PRKAR1A: variants seen among roughly 807,000 people sequenced by gnomAD.
The protein encoded by PRKAR1A is protein kinase cAMP-dependent type I regulatory subunit alpha.
Under a neutral mutation model 52.0 loss-of-function variants are expected in PRKAR1A, and 3 were observed. The ratio of observed to expected loss-of-function variants is 0.06; its 90% CI spans 0.03 to 0.15. The LOEUF is 0.15. PRKAR1A is among the 10% of genes least tolerant of loss of function. The pLI is 1.00. For synonymous variants in PRKAR1A, 188 were observed against 168.4 expected, an observed-to-expected ratio of 1.12 and a Z score of -0.90; for missense variants, 240 against 477.4, an observed-to-expected ratio of 0.50 and a Z score of 4.63.
At chr17:68,485,799 C>T in the PRKAR1A span, among the ~76,000 whole-genome samples, 11 of 152,118 alleles carry the variant, frequency 7.2e-5, no homozygotes, top group South Asian at 2.1e-4. Flanking sequence ...AGTGCAGTGG[C>T]GTGATCTCAG....
At chr17:68,515,810 G>C (rs905297377) in intron 2 of PRKAR1A, 4 of 545,472 alleles carry the variant, frequency 7.3e-6, no homozygotes, top group Admixed American at 3.2e-5. Context: ...GCTAATAAAG[G>C]GTTTCCAAAC....
At chr17:68,516,541 T>C (rs796270023) in intron 2 of PRKAR1A, among the ~76,000 whole-genome samples, 34 of 152,206 alleles carry the variant, frequency 2.2e-4, no homozygotes, top group African/African-American at 8.2e-4. Flanking sequence ...TATCTAATTG[T>C]ATAATAGAAA....
chr17:68,465,225 C>T, the PRKAR1A span, among the ~76,000 whole-genome samples: 4 of 152,148 alleles, frequency 2.6e-5, no homozygotes. Context: ...AGCCACCGCG[C>T]CCGGCCCCGG....
the PRKAR1A span, among the ~76,000 whole-genome samples, chr17:68,417,897 A>AT: frequency 1.3e-5 from 2 of 150,876 alleles, no homozygotes; most frequent in African/African-American, 4.9e-5. Flanking sequence ...TGCCCAGATA[A>AT]TTTTTTATAT....
Position 68,515,425 on chromosome 17 carries a change from G to A in PRKAR1A, c.26G>A (p.Ser9Asn). The A allele has an allele frequency of 6.2e-7, 1 of 1,613,532 alleles. No individual in the cohort carries two copies. The highest frequency in any genetic ancestry group is 8.5e-7 in the Non-Finnish European group (1 of 1,180,044). The change falls in exon 2 of 11, where the codon AGT becomes AAT. Residue 9 changes from serine (S) to asparagine (N), a missense_variant. Around this residue, in one of 4 missense-constraint regions of PRKAR1A, gnomAD observed 107 missense variants for 114.6 expected, o/e 0.93. Coordinates refer to ENST00000589228, the MANE Select transcript of PRKAR1A (RefSeq NM_002734.5). MESGSTAA[S>N]EEARSLRECE... ...ATGGAGTCTGGCAGTACCGCCGCCA[G>A]TGAGGAGGCACGCAGCCTTCGAGAA... is the stretch of plus-strand genomic sequence containing the variant.
rs2085972081 is a variant in PRKAR1A, at chr17:68,531,423, A to G, written c.*974A>G. ...GCTGTGACTAGATACAGATGGAGCA[A>G]ATGTCCTAACAGAGAAATAGAGGTG... On this transcript the variant is annotated 3_prime_UTR_variant, in exon 11 of 11. Coordinates refer to ENST00000589228, the MANE Select transcript of PRKAR1A (RefSeq NM_002734.5). 2.5e-5 allele frequency: 27 copies of G among 1,066,038 alleles called. No homozygotes were observed. The highest frequency in any genetic ancestry group is 3.0e-5 in the Non-Finnish European group (26 of 879,602). 66.0% of individuals were successfully genotyped at this position (1,066,038 alleles called of 1,614,324 possible). A position where few individuals can be genotyped will look rare whatever the true frequency, so the allele number is the denominator to read the frequency against.
intron 11 of PRKAR1A, among the ~76,000 whole-genome samples, chr17:68,548,325 T>C (rs913115731): frequency 1.3e-5 from 2 of 150,964 alleles, no homozygotes; most frequent in Non-Finnish European, 3.0e-5. Flanking sequence ...AGGTCGAGAG[T>C]TCGAGACCAG....
intron 11 of PRKAR1A, among the ~76,000 whole-genome samples, chr17:68,549,795 C>T (rs573522510): frequency 1.2e-4 from 18 of 150,996 alleles, no homozygotes; most frequent in Non-Finnish European, 2.4e-4. Flanking sequence ...CAAAGAGTCA[C>T]ATGTCTACTT....
At chr17:68,484,223 A>T in the PRKAR1A span, among the ~76,000 whole-genome samples, 4 of 152,224 alleles carry the variant, frequency 2.6e-5, no homozygotes, top group Non-Finnish European at 5.9e-5. Context: ...AAACAAATTA[A>T]ATCTATCCAT....
the PRKAR1A span, chr17:68,420,565 T>C: frequency 7.3e-7 from 1 of 1,369,568 alleles, no homozygotes; most frequent in Non-Finnish European, 1.0e-6. Flanking sequence ...TTTAGTTTAG[T>C]CTTGGAGTTT....
At chr17:68,430,720 T>C in the PRKAR1A span, among the ~76,000 whole-genome samples, 2 of 152,204 alleles carry the variant, frequency 1.3e-5, no homozygotes, top group Non-Finnish European at 1.5e-5. Flanking sequence ...CCTACAGTCA[T>C]GGAACTTCAT....
intron 9 of PRKAR1A, 53 bp downstream of exon 9, chr17:68,529,044 T>A: frequency 6.2e-7 from 1 of 1,607,384 alleles, no homozygotes; most frequent in Non-Finnish European, 8.5e-7. Context: ...AACTCAGAAT[T>A]TAATACTTTA....
chr17:68,537,435 C>T, downstream of PRKAR1A: 1 of 1,613,428 alleles, frequency 6.2e-7, no homozygotes, highest in South Asian at 1.1e-5. The surrounding 1 kb of genome is among the most constrained non-coding windows in gnomAD (Gnocchi z 4.2). Flanking sequence ...GTCGACTGCT[C>T]TGGCTCCAGG....
At chr17:68,414,674 T>G in the PRKAR1A span, among the ~76,000 whole-genome samples, 1 of 152,288 alleles carries the variant, frequency 6.6e-6, no homozygotes, top group African/African-American at 2.4e-5. Flanking sequence ...GTTGTTGTTG[T>G]TGTTGGTAAT....
the PRKAR1A span, chr17:68,444,689 T>A: frequency 2.1e-6 from 2 of 969,214 alleles, no homozygotes; most frequent in South Asian, 1.7e-5. Context: ...AACTTGATTC[T>A]AAGCCTAAAG....
chr17:68,436,519 A>T, the PRKAR1A span: 1 of 1,589,822 alleles, frequency 6.3e-7, no homozygotes, highest in Non-Finnish European at 8.6e-7. Context: ...CCTGGGGCCA[A>T]GGGAGAGATT....
the PRKAR1A span, among the ~76,000 whole-genome samples, chr17:68,416,681 T>C: frequency 6.6e-6 from 1 of 152,210 alleles, no homozygotes; most frequent in African/African-American, 2.4e-5. Flanking sequence ...CTTTTTCCTT[T>C]GTCTTTGTTG....
the PRKAR1A span, among the ~76,000 whole-genome samples, chr17:68,475,976 TG>T: frequency 6.6e-6 from 1 of 152,056 alleles, no homozygotes; most frequent in African/African-American, 2.4e-5. Flanking sequence ...GTTGATTTTT[TG>T]GGGGGGTTAT....
chr17:68,527,116 C>G (rs143817112), intron 7 of PRKAR1A, among the ~76,000 whole-genome samples: 43 of 152,216 alleles, frequency 2.8e-4, no homozygotes, highest in African/African-American at 9.9e-4. Context: ...AGAGGTAGGA[C>G]CTGGAACTAT....
Sources: allele counts gnomAD v4.1 joint callset (sites outside exome capture counted in the v4.1 genomes callset), GRCh38; gene constraint gnomAD v4.1.1; regional missense constraint gnomAD v4.1.1; non-coding constraint Gnocchi (gnomAD v3.1); transcripts MANE v1.5; gene names NCBI Gene and HGNC (gene_info 2026-07-23, HGNC 2026-07-21).